The following IQGAP2 variants were observed in gnomAD, a reference collection of about 807,000 sequenced individuals.
IQGAP2 encodes the protein ras GTPase-activating-like protein IQGAP2.
A neutral mutation model predicts 201.3 loss-of-function variants in IQGAP2; 173 were observed. The observed-to-expected ratio is 0.86, with a 90% confidence interval of 0.76 to 0.98. IQGAP2 has a LOEUF of 0.98. Ranked by LOEUF, IQGAP2 falls within the 50% of genes least tolerant of loss-of-function variation. IQGAP2 has a pLI of 0.00. For synonymous variants in IQGAP2, 675 were observed against 673.9 expected (o/e 1.00, Z -0.03); for missense variants, 1,687 against 1,864.8 (o/e 0.90, Z 1.76).
chr5:76,649,808 A>C (rs1340996426), intron 17 of IQGAP2, among the ~76,000 whole-genome samples: 2 of 152,206 alleles, frequency 1.3e-5, no homozygotes, highest in Non-Finnish European at 2.9e-5. Context: ...TCTTCATGAC[A>C]GTTCTGCTCC....
chr5:76,451,118 T>G (rs533984499), intron 1 of IQGAP2, among the ~76,000 whole-genome samples: 43 of 152,188 alleles, frequency 2.8e-4, no homozygotes, highest in Non-Finnish European at 5.9e-4. Flanking sequence ...TTTTGTCCCC[T>G]TAATTGAACA....
Position 76,701,122 on chromosome 5 carries a change from G to T in IQGAP2, c.4414G>T (p.Gly1472Trp). Reference sequence around the variant, plus strand: ...ACTAGATGGAAAAGGAGAACCCAAAGGGGCGAAGAGAGCGAAGCCAGTGAA... The same window carrying T: ...ACTAGATGGAAAAGGAGAACCCAAATGGGCGAAGAGAGCGAAGCCAGTGAA... ...IKLDGKGEPK[G>W]AKRAKPVKYT... Residue 1472 changes from glycine to tryptophan, a missense_variant, in exon 34 of 36, where the codon GGG (glycine) becomes TGG (tryptophan). By Grantham distance (184) the Gly-to-Trp change is radical. Transcript: ENST00000274364. 1 of 1,614,158 alleles carries T rather than the reference G, an allele frequency of 6.2e-7. No individual in the cohort carries two copies. The highest frequency in any genetic ancestry group is 8.5e-7 in the Non-Finnish European group (1 of 1,179,966).
At position 76,426,905 on chromosome 5, in the gene IQGAP2, G is replaced by GGGGTGTGTGT. The variant is rs1554054705; in HGVS notation, c.46+23315_46+23316insGGTGTGTGTG. ...AGCCAAGCGGGGAAAAACCATGGAG[G>GGGGTGTGTGT]GTGTGTGTGTGTGTGTGTGTGTGTG... On this transcript the variant is annotated intron_variant, in intron 1 of 35. Coordinates refer to ENST00000274364, the MANE Select transcript of IQGAP2 (RefSeq NM_006633.5). 3.8e-4 allele frequency among the ~76,000 whole-genome samples: 56 copies of GGGGTGTGTGT among 146,696 alleles called. No individual in the cohort carries two copies. In the South Asian group the frequency reaches 9.0e-3, roughly 24 times the overall value.
intron 7 of IQGAP2, among the ~76,000 whole-genome samples, chr5:76,590,134 C>T (rs972155983): frequency 4.6e-5 from 7 of 152,214 alleles, no homozygotes; most frequent in African/African-American, 1.4e-4. Flanking sequence ...TACCTTCTAA[C>T]TCCTGTGGTT....
chr5:76,665,598 CAG>C (rs1248242172), intron 22 of IQGAP2, among the ~76,000 whole-genome samples: 2 of 152,172 alleles, frequency 1.3e-5, no homozygotes, highest in African/African-American at 4.8e-5. Flanking sequence ...ATGTGAAAAA[CAG>C]ATATTTACCA....
intron 12 of IQGAP2, among the ~76,000 whole-genome samples, chr5:76,608,704 A>C (rs1232320750): frequency 6.6e-6 from 1 of 152,220 alleles, no homozygotes; most frequent in Non-Finnish European, 1.5e-5. Flanking sequence ...TGCTGAATGC[A>C]TTTCCTCAGG....
chr5:76,554,412 T>C lies in IQGAP2; in HGVS notation c.147-7984T>C, dbSNP rs138475243. ...GAATGGAGGAAACACTTTCAAATCA[T>C]ATACCAAATAAGAATCTTGTATACT... On this transcript the variant is annotated intron_variant, in intron 2 of 35. Coordinates refer to ENST00000274364, the MANE Select transcript of IQGAP2 (RefSeq NM_006633.5). Among the ~76,000 whole-genome samples the C allele has an allele frequency of 3.6e-3, 541 of 152,286 alleles. 6 individuals are homozygous for C. Among genetic ancestry groups the C allele is most frequent in the African/African-American group, 0.013 (523 of 41,558 alleles).
At chr5:76,657,554 G>A (rs998267687) in intron 20 of IQGAP2, among the ~76,000 whole-genome samples, 1 of 152,208 alleles carries the variant, frequency 6.6e-6, no homozygotes, top group East Asian at 1.9e-4. Context: ...GGGCCTAGGT[G>A]TAAAGGAGGG....
intron 17 of IQGAP2, among the ~76,000 whole-genome samples, chr5:76,645,438 T>A (rs916321495): frequency 6.6e-6 from 1 of 152,228 alleles, no homozygotes; most frequent in Admixed American, 6.5e-5. Flanking sequence ...TCTTCCACAA[T>A]GGTTGAACTA....
intron 1 of IQGAP2, chr5:76,441,516 G>T (rs1357521157): frequency 1.0e-6 from 1 of 985,202 alleles, no homozygotes; most frequent in African/African-American, 1.7e-5. Flanking sequence ...CGAGCATGTT[G>T]GTAAGAGAAG....
At chr5:76,693,505 T>A in intron 31 of IQGAP2, 63 bp downstream of exon 31, 1 of 1,068,334 alleles carries the variant, frequency 9.4e-7, no homozygotes, top group Non-Finnish European at 1.4e-6. Context: ...TAAATCTTTA[T>A]GCCATATGTT....
intron 1 of IQGAP2, among the ~76,000 whole-genome samples, chr5:76,415,355 G>C (rs1329566827): frequency 6.6e-6 from 1 of 152,106 alleles, no homozygotes; most frequent in African/African-American, 2.4e-5. Flanking sequence ...GATATTTTGT[G>C]ATTAATATTT....
intron 11 of IQGAP2, among the ~76,000 whole-genome samples, chr5:76,601,627 A>C (rs181321136): frequency 6.6e-6 from 1 of 152,286 alleles, no homozygotes; most frequent in Admixed American, 6.5e-5. Flanking sequence ...CCCCAGTTAA[A>C]ATGAGTGAAT....
intron 3 of IQGAP2, among the ~76,000 whole-genome samples, chr5:76,569,846 T>G (rs2150269067): frequency 6.6e-6 from 1 of 152,330 alleles, no homozygotes; most frequent in African/African-American, 2.4e-5. Flanking sequence ...TGATAAATTT[T>G]TATGAGATAC....
intron 2 of IQGAP2, among the ~76,000 whole-genome samples, chr5:76,480,396 C>T (rs1561402945): frequency 6.6e-6 from 1 of 152,112 alleles, no homozygotes; most frequent in Non-Finnish European, 1.5e-5. Flanking sequence ...TCCTTTCTCC[C>T]TCAATTATCA....
chr5:76,652,678 C>T lies in IQGAP2; in HGVS notation c.2095-72C>T, dbSNP rs1168750984. On this transcript the variant is annotated intron_variant, in intron 17 of 35. Coordinates refer to ENST00000274364, the MANE Select transcript of IQGAP2 (RefSeq NM_006633.5). ...AGCTCCATGCGGCCTGAGATGTGCT[C>T]TGCTCTTGCACTTCCTAGATAAATT... 15 of 1,069,206 alleles carry T rather than the reference C, an allele frequency of 1.4e-5. 1 individual carries two copies. In the Middle Eastern group the frequency reaches 2.0e-3, roughly 141 times the overall value. The allele number at this position is 1,069,206 out of a possible 1,614,324, so 66.2% of individuals were successfully genotyped here.
At chr5:76,651,855 ATAT>A (rs1159041775) in intron 17 of IQGAP2, among the ~76,000 whole-genome samples, 11 of 152,206 alleles carry the variant, frequency 7.2e-5, no homozygotes, top group African/African-American at 2.2e-4. Context: ...CATTACAAAA[ATAT>A]TATTTTTTTG....
At chr5:76,607,899 T>G (rs192739056) in intron 12 of IQGAP2, 2 of 152,406 alleles carry the variant, frequency 1.3e-5, no homozygotes, top group African/African-American at 4.8e-5. Flanking sequence ...TTTCTAACTT[T>G]TTCCCCAATT....
chr5:76,570,181 A>T (rs1213984787), intron 3 of IQGAP2, among the ~76,000 whole-genome samples: 7 of 152,230 alleles, frequency 4.6e-5, no homozygotes, highest in African/African-American at 1.2e-4. Flanking sequence ...TCTTCTAAAA[A>T]TCCTGTCTTT....
Sources: allele counts gnomAD v4.1 joint callset (sites outside exome capture counted in the v4.1 genomes callset), GRCh38; gene constraint gnomAD v4.1.1; transcripts MANE v1.5; gene names NCBI Gene and HGNC (gene_info 2026-07-23, HGNC 2026-07-21).